RTN4: variants seen among roughly 807,000 people sequenced by gnomAD.
RTN4 encodes the protein reticulon-4.
RTN4 carries 32 observed loss-of-function variants against 90.4 expected under a neutral mutation model. The observed-to-expected ratio is 0.35, with a 90% CI of 0.27 to 0.48. The LOEUF is 0.48. Ranked by LOEUF, RTN4 falls within the 20% of genes least tolerant of loss-of-function variation. RTN4 has a pLI of 0.99. For missense variants in RTN4, 1,706 were observed against 1,430.2 expected (o/e 1.19, Z -3.11); for synonymous variants, 629 against 552.5 (o/e 1.14, Z -1.94).
intron 4 of RTN4, among the ~76,000 whole-genome samples, chr2:54,985,608 A>G (rs1357381809): frequency 6.6e-6 from 1 of 152,230 alleles, no homozygotes; most frequent in Non-Finnish European, 1.5e-5. Flanking sequence ...AAGGTTAGAC[A>G]CATAGGAGCT....
intron 5 of RTN4, among the ~76,000 whole-genome samples, chr2:54,981,558 A>G (rs1558760522): frequency 6.6e-6 from 1 of 152,218 alleles, no homozygotes; most frequent in Non-Finnish European, 1.5e-5. Flanking sequence ...GACAAGTTCT[A>G]TGAAAAAGAA....
chr2:55,041,224 G>A (rs894118072), intron 1 of RTN4, among the ~76,000 whole-genome samples: 11 of 151,810 alleles, frequency 7.2e-5, no homozygotes, highest in African/African-American at 2.7e-4. Context: ...AAAGTCTCTA[G>A]TTCACCTAAT....
chr2:54,992,565 C>T (rs1399620515), intron 3 of RTN4, among the ~76,000 whole-genome samples: 1 of 151,688 alleles, frequency 6.6e-6, no homozygotes, highest in Non-Finnish European at 1.5e-5. Context: ...AAGTACTTTC[C>T]CACAGTAGAG....
At chr2:54,996,117 T>G (rs1019144732) in intron 3 of RTN4, among the ~76,000 whole-genome samples, 4 of 152,112 alleles carry the variant, frequency 2.6e-5, no homozygotes, top group African/African-American at 9.6e-5. Flanking sequence ...TGTAATAGCA[T>G]AGAAAAAATA....
chr2:54,976,912 C>G (rs533361140), intron 5 of RTN4, among the ~76,000 whole-genome samples: 3 of 152,170 alleles, frequency 2.0e-5, no homozygotes, highest in Admixed American at 2.0e-4. Flanking sequence ...TGCACAGTAT[C>G]GAGACTGGAG....
At chr2:54,989,982 C>A (rs943868699) in intron 3 of RTN4, among the ~76,000 whole-genome samples, 5 of 152,020 alleles carry the variant, frequency 3.3e-5, no homozygotes, top group Non-Finnish European at 4.4e-5. Context: ...TGTGAGGCTG[C>A]CTTTGTACCC....
At chr2:54,983,211 C>T (rs973028732) in intron 4 of RTN4, among the ~76,000 whole-genome samples, 2 of 151,702 alleles carry the variant, frequency 1.3e-5, no homozygotes, top group Non-Finnish European at 1.5e-5. Flanking sequence ...TGTAAAGTGG[C>T]TGCCAAAAGC....
chr2:55,108,215 A>C (rs992467972), intron 1 of RTN4, among the ~76,000 whole-genome samples: 2 of 152,128 alleles, frequency 1.3e-5, no homozygotes, highest in African/African-American at 4.8e-5. Flanking sequence ...TCGGCCTCCC[A>C]AAGTGCTGTG....
At chr2:55,068,585 T>G (rs966405270) in intron 2 of RTN4, among the ~76,000 whole-genome samples, 1 of 148,722 alleles carries the variant, frequency 6.7e-6, no homozygotes. Context: ...CATATGTTTT[T>G]GATTAAAGTT....
intron 6 of RTN4, among the ~76,000 whole-genome samples, chr2:54,974,402 C>G (rs1677429698): frequency 6.6e-6 from 1 of 152,222 alleles, no homozygotes; most frequent in South Asian, 2.1e-4. Flanking sequence ...GCCTCAGCCT[C>G]CGGAGTAGCT....
chr2:54,986,390 C>T (rs1678565847), intron 4 of RTN4, among the ~76,000 whole-genome samples: 1 of 152,210 alleles, frequency 6.6e-6, no homozygotes, highest in African/African-American at 2.4e-5. Flanking sequence ...TATGGTCTCT[C>T]TTAAAACTAC....
In RTN4 at chr2:55,026,852, A is replaced by C. The variant is rs150153229; in HGVS notation, c.1247T>G (p.Leu416Trp). 1.1e-5 allele frequency: 18 copies of C among 1,613,760 alleles called. No homozygotes were observed. In the African/African-American group the frequency reaches 2.4e-4, roughly 22 times the overall value. The change falls in exon 3 of 9, where the codon TTG becomes TGG. Residue 416 changes from leucine to tryptophan, a missense_variant. By Grantham distance (61) the Leu-to-Trp change is moderately conservative. Coordinates refer to ENST00000337526, the MANE Select transcript of RTN4 (RefSeq NM_020532.5). Reference sequence around the variant, plus strand: ...ACATTTTTTATCCACTTTACTTTCCAAGTTGCTCTCGATTTTACCTCCAGC... The same window carrying C: ...ACATTTTTTATCCACTTTACTTTCCCAGTTGCTCTCGATTTTACCTCCAGC... ...LAAGGKIESN[L>W]ESKVDKKCFA... is the part of the protein sequence containing the mutation.
At chr2:55,061,102 G>A (rs1668283153) in intron 2 of RTN4, among the ~76,000 whole-genome samples, 1 of 133,098 alleles carries the variant, frequency 7.5e-6, no homozygotes, top group African/African-American at 2.9e-5. Flanking sequence ...GTCTCACTCT[G>A]TCACCCAGGC....
chr2:55,025,115 A>T lies in RTN4; in HGVS notation c.2984T>A (p.Ile995Lys). The change falls in exon 3 of 9, where the codon ATA becomes AAA. Residue 995 changes from isoleucine to lysine, a missense_variant. Physicochemically the swap from Ile to Lys is moderately radical, Grantham distance 102. Transcript: ENST00000337526. ...AGTTTTACTCAGCTCTGCTGAAAATATAGCAGATGGTGATCTGTCCTCTTT... is the reference window on the plus strand; with the variant it reads ...AGTTTTACTCAGCTCTGCTGAAAATTTAGCAGATGGTGATCTGTCCTCTTT... ...TEKEDRSPSAIFSAELSKTSV... is the reference protein window; with the variant it reads ...TEKEDRSPSAKFSAELSKTSV... 1 of 1,611,170 alleles carries T rather than the reference A, an allele frequency of 6.2e-7. No homozygotes were observed. Among genetic ancestry groups the T allele is most frequent in the East Asian group, 2.2e-5 (1 of 44,858 alleles).
intron 1 of RTN4, among the ~76,000 whole-genome samples, chr2:55,094,960 C>T (rs1669004371): frequency 6.6e-6 from 1 of 152,174 alleles, no homozygotes; most frequent in Non-Finnish European, 1.5e-5. Context: ...ACCTCCTACT[C>T]CACACAAGTC....
chr2:55,090,798 C>A (rs775962612), intron 1 of RTN4, among the ~76,000 whole-genome samples: 2 of 152,144 alleles, frequency 1.3e-5, no homozygotes, highest in South Asian at 2.1e-4. Context: ...GGCTCCACCC[C>A]CTAAACATGC....
chr2:55,012,268 C>T (rs1263545461), intron 3 of RTN4, among the ~76,000 whole-genome samples: 2 of 152,164 alleles, frequency 1.3e-5, no homozygotes, highest in African/African-American at 2.4e-5. Flanking sequence ...AAGACATACC[C>T]ACTCATCTAA....
At chr2:55,000,253 G>C (rs544936994) in intron 3 of RTN4, among the ~76,000 whole-genome samples, 2 of 152,298 alleles carry the variant, frequency 1.3e-5, no homozygotes, top group South Asian at 4.1e-4. Flanking sequence ...ATGGGTACCT[G>C]TTACTGCTAC....
chr2:55,031,035 C>T (rs1682275729), intron 1 of RTN4, among the ~76,000 whole-genome samples: 1 of 152,150 alleles, frequency 6.6e-6, no homozygotes, highest in Non-Finnish European at 1.5e-5. Context: ...AAGGTAGGTA[C>T]TACTGTTACC....
Sources: gnomAD v4.1 joint callset for allele counts (sites outside exome capture counted in the v4.1 genomes callset) on GRCh38, gnomAD v4.1.1 for gene constraint, MANE v1.5 for transcripts, NCBI Gene and HGNC (gene_info 2026-07-23, HGNC 2026-07-21) for gene names.